Variants in NALF1 observed in about 807,000 individuals in gnomAD.
The protein encoded by NALF1 is NALCN channel auxiliary factor 1.
In NALF1, 3 loss-of-function variants were observed where a neutral mutation model predicts 48.4. The observed-to-expected ratio is 0.06, with a 90% CI of 0.03 to 0.16. The LOEUF is 0.16. Among genes scored for constraint, NALF1 ranks in the 10% least tolerant of loss-of-function variants. NALF1 has a pLI of 1.00. For synonymous variants in NALF1, 262 were observed against 245.7 expected, an observed-to-expected ratio of 1.07 and a Z score of -0.62; for missense variants, 526 against 571.5, an observed-to-expected ratio of 0.92 and a Z score of 0.81.
At chr13:107,344,085 C>T (rs72650549) in intron 1 of NALF1, among the ~76,000 whole-genome samples, 5,109 of 151,698 alleles carry the variant, frequency 0.034, 133 homozygotes, top group Middle Eastern at 0.086. Context: ...AATGGAATAG[C>T]CTAAAAAAAT....
In NALF1 at chr13:107,867,084, C is replaced by G. The variant is rs1455231561; in HGVS notation, c.-488G>C. Among the ~76,000 whole-genome samples, 2 of 151,874 alleles carry G rather than the reference C, an allele frequency of 1.3e-5. No individual in the cohort carries two copies. Among genetic ancestry groups the G allele is most frequent in the Non-Finnish European group, 2.9e-5 (2 of 67,938 alleles). ...CCGCTCTCCCCTGCCAGGGGCATGC[C>G]GCGCCTCCGCTGCCCACTGACGGCG... On this transcript the variant is annotated 5_prime_UTR_variant, in exon 1 of 3. Coordinates refer to ENST00000375915, the MANE Select transcript of NALF1 (RefSeq NM_001080396.3). This position sits in a 1 kb window ranked among gnomAD's most constrained non-coding sequence, Gnocchi z 4.4.
intron 1 of NALF1, among the ~76,000 whole-genome samples, chr13:107,507,198 G>A (rs532354180): frequency 3.5e-4 from 53 of 152,158 alleles, no homozygotes; most frequent in African/African-American, 1.2e-3. Context: ...TTCATGTTAA[G>A]CTGACCTAGG....
chr13:107,803,916 G>C (rs1878694780), intron 1 of NALF1, among the ~76,000 whole-genome samples: 1 of 152,124 alleles, frequency 6.6e-6, no homozygotes, highest in Non-Finnish European at 1.5e-5. Flanking sequence ...CATGCACCAT[G>C]GAGCTGCTTC....
chr13:107,572,928 C>T (rs915357682), intron 1 of NALF1, among the ~76,000 whole-genome samples: 3 of 152,182 alleles, frequency 2.0e-5, no homozygotes, highest in East Asian at 1.9e-4. Flanking sequence ...AGGGTAACAT[C>T]GAAAGTGCTA....
chr13:107,364,018 A>G (rs16952135), intron 1 of NALF1, among the ~76,000 whole-genome samples: 3,002 of 152,308 alleles, frequency 0.02, 112 homozygotes, highest in African/African-American at 0.069. Context: ...CGTTCTAATC[A>G]GTCTATACGT....
intron 1 of NALF1, among the ~76,000 whole-genome samples, chr13:107,259,298 A>G (rs1880883797): frequency 4.6e-5 from 7 of 152,178 alleles, no homozygotes; most frequent in Admixed American, 4.6e-4. Context: ...TTTACCTGGT[A>G]ATCAGGAGTC....
chr13:107,771,768 C>T (rs1877583224), intron 1 of NALF1, among the ~76,000 whole-genome samples: 1 of 152,094 alleles, frequency 6.6e-6, no homozygotes, highest in Non-Finnish European at 1.5e-5. Flanking sequence ...GACGGAGTCT[C>T]GCTCTATCGC....
At chr13:107,531,265 G>T in intron 1 of NALF1, 1 of 168,822 alleles carries the variant, frequency 5.9e-6, no homozygotes. Context: ...GGATCACGGA[G>T]GCAGATCCCT....
chr13:107,322,095 T>C (rs1368408517), intron 1 of NALF1, among the ~76,000 whole-genome samples: 2 of 152,124 alleles, frequency 1.3e-5, no homozygotes, highest in Non-Finnish European at 2.9e-5. Context: ...GCGAGATCTC[T>C]GTATTTTTCC....
At chr13:107,278,703 T>C (rs1036698200) in intron 1 of NALF1, among the ~76,000 whole-genome samples, 1 of 152,214 alleles carries the variant, frequency 6.6e-6, no homozygotes, top group Non-Finnish European at 1.5e-5. Context: ...TTTTTAAAAA[T>C]CTGATGATAG....
chr13:107,699,058 A>G (rs1349152895), intron 1 of NALF1, among the ~76,000 whole-genome samples: 2 of 152,170 alleles, frequency 1.3e-5, no homozygotes, highest in African/African-American at 4.8e-5. Flanking sequence ...GGTCTTTGCC[A>G]TTCATAGCTG....
At chr13:107,596,660 G>C (rs966536264) in intron 1 of NALF1, among the ~76,000 whole-genome samples, 4 of 152,004 alleles carry the variant, frequency 2.6e-5, no homozygotes, top group African/African-American at 9.7e-5. Context: ...ATCACACACC[G>C]GGGCCCTGTT....
intron 1 of NALF1, among the ~76,000 whole-genome samples, chr13:107,854,828 G>C (rs816992): frequency 0.87 from 130,254 of 150,018 alleles, 56,913 homozygotes; most frequent in Non-Finnish European, 0.92. Context: ...GAGCCAAGAT[G>C]GCGCCACTGC....
At chr13:107,307,032 C>T (rs1028497609) in intron 1 of NALF1, among the ~76,000 whole-genome samples, 1 of 152,144 alleles carries the variant, frequency 6.6e-6, no homozygotes, top group Non-Finnish European at 1.5e-5. Context: ...ATCTGAAATG[C>T]CTGACTTTAT....
At chr13:107,598,918 T>C (rs1174934350) in intron 1 of NALF1, among the ~76,000 whole-genome samples, 1 of 152,198 alleles carries the variant, frequency 6.6e-6, no homozygotes, top group Non-Finnish European at 1.5e-5. Flanking sequence ...GGACTTTGTG[T>C]TGGTGTCTTC....
chr13:107,539,298 A>G (rs375734574), intron 1 of NALF1, among the ~76,000 whole-genome samples: 40 of 152,084 alleles, frequency 2.6e-4, no homozygotes, highest in Admixed American at 7.2e-4. Context: ...GCAAGCGTGC[A>G]AGACAGAGCA....
chr13:107,676,382 T>G (rs1251034401), intron 1 of NALF1, among the ~76,000 whole-genome samples: 2 of 152,092 alleles, frequency 1.3e-5, no homozygotes, highest in Non-Finnish European at 2.9e-5. Context: ...GGAGGAATAG[T>G]GGGAAGAAAA....
intron 1 of NALF1, among the ~76,000 whole-genome samples, chr13:107,675,323 A>T (rs1266710276): frequency 6.6e-6 from 1 of 152,132 alleles, no homozygotes. Flanking sequence ...GGATCCCAAA[A>T]TTCTCACTGT....
intron 2 of NALF1, among the ~76,000 whole-genome samples, chr13:107,177,961 C>A (rs989589473): frequency 6.6e-6 from 1 of 152,082 alleles, no homozygotes; most frequent in African/African-American, 2.4e-5. Context: ...GCAGGAGAAT[C>A]GCTTGAACCC....
Sources: gnomAD v4.1 joint callset for allele counts (sites outside exome capture counted in the v4.1 genomes callset) on GRCh38, gnomAD v4.1.1 for gene constraint, Gnocchi (gnomAD v3.1) non-coding constraint, MANE v1.5 for transcripts, NCBI Gene and HGNC (gene_info 2026-07-23, HGNC 2026-07-21) for gene names.